NBEA: variants seen among roughly 807,000 people sequenced by gnomAD.
NBEA encodes lysosomal-trafficking regulator 2.
NBEA carries 44 observed loss-of-function variants against 343.4 expected under a neutral mutation model. The observed-to-expected ratio is 0.13, with a 90% CI of 0.10 to 0.16. NBEA has a LOEUF of 0.16. Ranked by LOEUF, NBEA falls within the 10% of genes least tolerant of loss-of-function variation. NBEA has a pLI of 1.00. For synonymous variants in NBEA, 1,175 were observed against 1,238.7 expected (o/e 0.95, Z 1.08); for missense variants, 2,555 against 3,631.3 (o/e 0.70, Z 7.62).
chr13:35,071,901 A>G (rs1425841636), intron 10 of NBEA, among the ~76,000 whole-genome samples: 1 of 151,938 alleles, frequency 6.6e-6, no homozygotes, highest in East Asian at 1.9e-4. Flanking sequence ...TATAACATTC[A>G]CCTCCCGTCT....
chr13:35,274,829 C>T (rs956330177), intron 34 of NBEA, among the ~76,000 whole-genome samples: 4 of 152,132 alleles, frequency 2.6e-5, no homozygotes, highest in African/African-American at 9.7e-5. Context: ...AGGAGAACTA[C>T]AAACCACTGC....
chr13:35,402,824 C>A (rs2043059278), intron 38 of NBEA, among the ~76,000 whole-genome samples: 1 of 152,058 alleles, frequency 6.6e-6, no homozygotes, highest in Non-Finnish European at 1.5e-5. Context: ...AAGCAGACTT[C>A]ACGAAGGCAG....
intron 41 of NBEA, among the ~76,000 whole-genome samples, chr13:35,484,038 A>G (rs1400891673): frequency 3.3e-5 from 5 of 152,080 alleles, no homozygotes; most frequent in African/African-American, 1.2e-4. Context: ...AACCCTTAAC[A>G]GTTTTTGATA....
At chr13:35,466,146 A>G (rs2075377506) in intron 40 of NBEA, among the ~76,000 whole-genome samples, 3 of 152,152 alleles carry the variant, frequency 2.0e-5, no homozygotes, top group African/African-American at 7.2e-5. Context: ...AAAACACCTA[A>G]TATGTGTTCT....
intron 41 of NBEA, among the ~76,000 whole-genome samples, chr13:35,519,312 T>C (rs995246843): frequency 6.6e-6 from 1 of 152,192 alleles, no homozygotes; most frequent in African/African-American, 2.4e-5. Context: ...AAGTTTTAGA[T>C]AAGTTAGGAT....
chr13:35,156,985 A>G, intron 20 of NBEA, 93 bp from the exon 21 acceptor site: 1 of 1,083,262 alleles, frequency 9.2e-7, no homozygotes, highest in Non-Finnish European at 1.3e-6. Context: ...AGGTCAGATC[A>G]TATTTTCACT....
rs375932220 is a variant in NBEA at position 35,652,748 on chromosome 13, A to G, written c.8035+872A>G. On this transcript the variant is annotated intron_variant, in intron 53 of 58. Coordinates refer to ENST00000379939, the MANE Select transcript of NBEA (RefSeq NM_001385012.1). ...CTCGCTCTGTCGCCCAGGCTGGAGTACAGTGGCGCGATCTCGGCTCACTGC... is the reference window on the plus strand; with the variant it reads ...CTCGCTCTGTCGCCCAGGCTGGAGTGCAGTGGCGCGATCTCGGCTCACTGC... Among the ~76,000 whole-genome samples, 823 of 106,982 alleles carry G rather than the reference A, an allele frequency of 7.7e-3. 3 individuals carry two copies. The highest frequency in any genetic ancestry group is 0.011 in the Non-Finnish European group (662 of 58,146). The allele number at this position is 106,982 out of a possible 152,430, so 70.2% of individuals were successfully genotyped here. A position where few individuals can be genotyped will look rare whatever the true frequency, so the allele number is the denominator to read the frequency against.
At chr13:35,148,580 A>G in intron 18 of NBEA, among the ~76,000 whole-genome samples, 1 of 152,210 alleles carries the variant, frequency 6.6e-6, no homozygotes, top group East Asian at 1.9e-4. Context: ...AAATTTAGCA[A>G]ATACTGATTA....
chr13:35,417,788 CT>C (rs1334200154), intron 38 of NBEA, among the ~76,000 whole-genome samples: 3 of 152,004 alleles, frequency 2.0e-5, no homozygotes, highest in Non-Finnish European at 4.4e-5. Flanking sequence ...CCTGGATATC[CT>C]TGTTAACTTT....
At chr13:35,612,861 G>A (rs2082585727) in intron 48 of NBEA, among the ~76,000 whole-genome samples, 1 of 152,006 alleles carries the variant, frequency 6.6e-6, no homozygotes, top group Non-Finnish European at 1.5e-5. Context: ...CCAGATAAAT[G>A]AATTTTCTAG....
chr13:35,188,324 A>G (rs989070395), intron 30 of NBEA, among the ~76,000 whole-genome samples: 1 of 151,670 alleles, frequency 6.6e-6, no homozygotes, highest in Non-Finnish European at 1.5e-5. Context: ...ATTATTAACT[A>G]TAGTCACCAT....
Position 35,117,492 on chromosome 13 carries a change from A to G in NBEA, c.2081A>G (p.Lys694Arg). The change falls in exon 14 of 59, where the codon AAG (lysine) becomes AGG (arginine). Residue 694 changes from lysine (K) to arginine (R), a missense_variant and splice_region_variant. Coordinates refer to ENST00000379939, the MANE Select transcript of NBEA (RefSeq NM_001385012.1). Reference protein sequence around the residue: ...MLLFLKQLILKDRGVKEDELQ... With the variant: ...MLLFLKQLILRDRGVKEDELQ... ...CTTTTTCTGAAACAGCTGATACTAAAGGTAAAATAATTTTATATAATTTAA... is the reference window on the plus strand; with the variant it reads ...CTTTTTCTGAAACAGCTGATACTAAGGGTAAAATAATTTTATATAATTTAA... 1 of 1,284,916 alleles carries G rather than the reference A, an allele frequency of 7.8e-7. No individual in the cohort carries two copies. 79.6% of individuals were successfully genotyped at this position (1,284,916 alleles called of 1,614,324 possible). A position where few individuals can be genotyped will look rare whatever the true frequency, so the allele number is the denominator to read the frequency against.
At chr13:35,367,071 A>G (rs1444499539) in intron 38 of NBEA, among the ~76,000 whole-genome samples, 1 of 151,454 alleles carries the variant, frequency 6.6e-6, no homozygotes. Flanking sequence ...TACATTCTAA[A>G]TACTAAAAGT....
At chr13:35,610,430 G>A (rs868123180) in intron 48 of NBEA, among the ~76,000 whole-genome samples, 1 of 151,962 alleles carries the variant, frequency 6.6e-6, no homozygotes, top group Non-Finnish European at 1.5e-5. Flanking sequence ...ATAAAATAAA[G>A]ATAAATTGGC....
At chr13:35,065,780 G>A (rs1422599003) in intron 8 of NBEA, among the ~76,000 whole-genome samples, 1 of 152,068 alleles carries the variant, frequency 6.6e-6, no homozygotes, top group Non-Finnish European at 1.5e-5. Context: ...CTACTGACAT[G>A]ATGGTTATTT....
intron 48 of NBEA, among the ~76,000 whole-genome samples, chr13:35,616,226 G>A (rs1036534462): frequency 6.6e-5 from 10 of 152,072 alleles, no homozygotes; most frequent in East Asian, 5.8e-4. Flanking sequence ...CCCTTGTTCC[G>A]TCTTAAAGTC....
chr13:35,115,328 A>C (rs1298345147), intron 13 of NBEA, among the ~76,000 whole-genome samples: 1 of 152,024 alleles, frequency 6.6e-6, no homozygotes, highest in Non-Finnish European at 1.5e-5. Flanking sequence ...TATATAAACA[A>C]GTTATAATTA....
chr13:35,244,668 G>A (rs745577156), intron 34 of NBEA, among the ~76,000 whole-genome samples: 35 of 151,972 alleles, frequency 2.3e-4, no homozygotes, highest in Non-Finnish European at 3.5e-4. Flanking sequence ...ATTGTATTTC[G>A]ATGGGAATTG....
chr13:35,083,325 G>A (rs2064530388), intron 10 of NBEA, among the ~76,000 whole-genome samples: 1 of 151,348 alleles, frequency 6.6e-6, no homozygotes, highest in South Asian at 2.1e-4. Flanking sequence ...CTGTAGCCTT[G>A]TAGTATAGTT....
Sources: gnomAD v4.1 joint callset for allele counts (sites outside exome capture counted in the v4.1 genomes callset) on GRCh38, gnomAD v4.1.1 for gene constraint, MANE v1.5 for transcripts, NCBI Gene and HGNC (gene_info 2026-07-23, HGNC 2026-07-21) for gene names.